DTWD2: variants seen among roughly 807,000 people sequenced by gnomAD.
The protein encoded by DTWD2 is tRNA-uridine aminocarboxypropyltransferase 2.
DTWD2 carries 39 observed loss-of-function variants against 31.8 expected under a neutral mutation model. That is an observed-to-expected ratio of 1.22 (90% CI 0.95 to 1.60). The LOEUF is 1.60. Among genes scored for constraint, DTWD2 ranks in the 40% most tolerant of loss-of-function variants. The pLI, the probability that DTWD2 is intolerant of heterozygous loss-of-function variation, is 0.00. For missense variants in DTWD2, 515 were observed against 381.5 expected, an observed-to-expected ratio of 1.35 and a Z score of -2.92; for synonymous variants, 180 against 142.8, an observed-to-expected ratio of 1.26 and a Z score of -1.86.
intron 4 of DTWD2, among the ~76,000 whole-genome samples, chr5:118,913,669 A>G (rs1753510219): frequency 6.6e-6 from 1 of 151,990 alleles, no homozygotes; most frequent in Non-Finnish European, 1.5e-5. Context: ...AGCTAACTAA[A>G]GAAGTGAATA....
At chr5:118,973,957 A>G in intron 1 of DTWD2, 2 of 1,583,196 alleles carry the variant, frequency 1.3e-6, no homozygotes, top group East Asian at 2.2e-5. Flanking sequence ...AGGTAGATGA[A>G]GAAGAGGAAG....
intron 1 of DTWD2, among the ~76,000 whole-genome samples, chr5:118,953,434 C>T (rs964978156): frequency 1.2e-4 from 19 of 152,154 alleles, no homozygotes; most frequent in Admixed American, 1.2e-3. Context: ...TACCCAAAAC[C>T]CTTCCCCCTG....
Position 118,840,187 on chromosome 5 carries a change from T to C in DTWD2, c.*730A>G, listed in dbSNP as rs1751677217. The C allele has an allele frequency of 6.6e-6, 1 of 152,238 alleles. No individual in the cohort carries two copies. Among genetic ancestry groups the C allele is most frequent in the African/African-American group, 2.4e-5 (1 of 41,470 alleles). 9.4% of individuals were successfully genotyped at this position (152,238 alleles called of 1,614,324 possible). A position where few individuals can be genotyped will look rare whatever the true frequency, so the allele number is the denominator to read the frequency against. ...TGTTCTGAAAATAACAATTGTATCA[T>C]ATTCCACTTATTATTTTCCATATGA... is the stretch of plus-strand genomic sequence containing the variant. On this transcript the variant is annotated 3_prime_UTR_variant, in exon 6 of 6. Coordinates refer to ENST00000510708, the MANE Select transcript of DTWD2 (RefSeq NM_173666.4).
chr5:118,906,954 C>T (rs946891433), intron 4 of DTWD2, among the ~76,000 whole-genome samples: 16 of 152,230 alleles, frequency 1.1e-4, no homozygotes, highest in African/African-American at 3.6e-4. Context: ...TAATTAAACA[C>T]TGAATTAGAG....
At chr5:118,965,817 T>A (rs1754833555) in intron 1 of DTWD2, among the ~76,000 whole-genome samples, 1 of 152,184 alleles carries the variant, frequency 6.6e-6, no homozygotes, top group Admixed American at 6.5e-5. Context: ...CCCAGGGTCC[T>A]CTGCCTAGGA....
intron 1 of DTWD2, among the ~76,000 whole-genome samples, chr5:118,955,199 T>C (rs1005370835): frequency 6.6e-6 from 1 of 152,240 alleles, no homozygotes; most frequent in Non-Finnish European, 1.5e-5. Flanking sequence ...CTTTAAAGCA[T>C]ATTCTCTTTA....
At chr5:118,973,704 G>A (rs1345770944) in intron 1 of DTWD2, 41 of 1,492,006 alleles carry the variant, frequency 2.7e-5, no homozygotes, top group Middle Eastern at 2.3e-4. Context: ...CGCCTCCTCC[G>A]CCGCCGCGGA....
At chr5:118,843,960 G>A (rs184590316) in intron 5 of DTWD2, among the ~76,000 whole-genome samples, 1 of 152,332 alleles carries the variant, frequency 6.6e-6, no homozygotes, top group East Asian at 1.9e-4. Flanking sequence ...TAGGGCAGAA[G>A]CATTAAAAGT....
intron 4 of DTWD2, among the ~76,000 whole-genome samples, chr5:118,864,445 T>C (rs1752338086): frequency 6.6e-6 from 1 of 150,612 alleles, no homozygotes; most frequent in African/African-American, 2.4e-5. Context: ...GACGAGTTAA[T>C]GGGTGCAGCA....
At chr5:118,857,464 T>G (rs1440592295) in intron 4 of DTWD2, among the ~76,000 whole-genome samples, 2 of 152,168 alleles carry the variant, frequency 1.3e-5, no homozygotes, top group Non-Finnish European at 2.9e-5. Flanking sequence ...CCATATATCG[T>G]TTTTTGTGAA....
intron 1 of DTWD2, among the ~76,000 whole-genome samples, chr5:118,962,984 C>A (rs2149593995): frequency 6.6e-6 from 1 of 152,162 alleles, no homozygotes; most frequent in Non-Finnish European, 1.5e-5. Flanking sequence ...GTCCTAGAAC[C>A]CAGAAGACCT....
chr5:118,863,902 G>A (rs1395254842), intron 4 of DTWD2, among the ~76,000 whole-genome samples: 1 of 151,812 alleles, frequency 6.6e-6, no homozygotes, highest in Non-Finnish European at 1.5e-5. Flanking sequence ...TAAAAGGGTT[G>A]AACCCATGTC....
intron 4 of DTWD2, among the ~76,000 whole-genome samples, chr5:118,865,016 T>C (rs1752352039): frequency 6.6e-6 from 1 of 152,088 alleles, no homozygotes; most frequent in Non-Finnish European, 1.5e-5. Context: ...CTGAAAAATT[T>C]AAACACACAC....
At chr5:118,860,687 G>C (rs1752240380) in intron 4 of DTWD2, among the ~76,000 whole-genome samples, 1 of 152,068 alleles carries the variant, frequency 6.6e-6, no homozygotes, top group Non-Finnish European at 1.5e-5. Flanking sequence ...TATTGTTTAG[G>C]ACTTTTGACA....
intron 1 of DTWD2, among the ~76,000 whole-genome samples, chr5:118,956,477 G>A (rs936708869): frequency 1.5e-4 from 23 of 152,182 alleles, no homozygotes; most frequent in African/African-American, 5.6e-4. Context: ...CAAAGGTAAT[G>A]TGTATCACTC....
chr5:118,848,179 G>C lies in DTWD2; in HGVS notation c.637C>G (p.Arg213Gly), dbSNP rs775551476. The C allele has an allele frequency of 6.2e-7, 1 of 1,606,308 alleles. No individual in the cohort carries two copies. Among genetic ancestry groups the C allele is most frequent in the Non-Finnish European group, 8.5e-7 (1 of 1,176,550 alleles). ...AGGCATCTATTAGTCGGCTGCATCC[G>C]AATTACATACTGACTAGAAATGCTA... The part of the protein sequence containing the change: ...KTSISSQYVI[R>G]MQPTNRCLST... Residue 213 changes from arginine to glycine, a missense_variant, in exon 5 of 6, where the codon CGG becomes GGG. Transcript: ENST00000510708.
At chr5:118,914,050 GAC>G (rs1457714376) in intron 4 of DTWD2, among the ~76,000 whole-genome samples, 1 of 152,050 alleles carries the variant, frequency 6.6e-6, no homozygotes, top group Non-Finnish European at 1.5e-5. Flanking sequence ...TTGTCTCACT[GAC>G]CTTAGATATG....
intron 4 of DTWD2, among the ~76,000 whole-genome samples, chr5:118,886,347 C>T (rs1481286841): frequency 6.6e-6 from 1 of 152,158 alleles, no homozygotes; most frequent in Non-Finnish European, 1.5e-5. Flanking sequence ...GAAATGCAGG[C>T]AACTCAATGG....
chr5:118,869,118 A>T (rs532938257), intron 4 of DTWD2, among the ~76,000 whole-genome samples: 2 of 151,716 alleles, frequency 1.3e-5, no homozygotes, highest in Admixed American at 1.3e-4. Context: ...GCGAAAATGG[A>T]TGGTGGTGGT....
Sources: allele counts gnomAD v4.1 joint callset (sites outside exome capture counted in the v4.1 genomes callset), GRCh38; gene constraint gnomAD v4.1.1; transcripts MANE v1.5; gene names NCBI Gene and HGNC (gene_info 2026-07-23, HGNC 2026-07-21).